The following MCUB variants were observed in gnomAD, a reference collection of about 807,000 sequenced individuals.
MCUB encodes calcium uniporter regulatory subunit MCUb, mitochondrial.
MCUB carries 46 observed loss-of-function variants against 41.4 expected under a neutral mutation model. The ratio of observed to expected loss-of-function variants is 1.11; its 90% CI spans 0.88 to 1.42. The LOEUF is 1.42. MCUB is among the 40% of genes most tolerant of loss of function. The pLI is 0.00. For synonymous variants in MCUB, 148 were observed against 148.2 expected (o/e 1.00, Z 0.01); for missense variants, 403 against 404.9 (o/e 1.00, Z 0.04).
At chr4:109,622,496 T>C (rs1310719644) in intron 1 of MCUB, among the ~76,000 whole-genome samples, 3 of 152,354 alleles carry the variant, frequency 2.0e-5, no homozygotes, top group East Asian at 1.9e-4. Flanking sequence ...AAGAAAGATA[T>C]CTGGAACTTT....
At chr4:109,591,750 G>T (rs779798253) in intron 1 of MCUB, among the ~76,000 whole-genome samples, 32 of 151,944 alleles carry the variant, frequency 2.1e-4, no homozygotes, top group Non-Finnish European at 2.4e-4. Flanking sequence ...CCAGACTGGA[G>T]TGCAGTGGCC....
chr4:109,670,371 A>G (rs1023748194), intron 4 of MCUB, among the ~76,000 whole-genome samples: 4 of 152,140 alleles, frequency 2.6e-5, no homozygotes, highest in African/African-American at 9.7e-5. Flanking sequence ...ATGAAATCCC[A>G]ATCGGTTAGG....
At chr4:109,610,678 C>G (rs1016694098) in intron 1 of MCUB, among the ~76,000 whole-genome samples, 3 of 152,132 alleles carry the variant, frequency 2.0e-5, no homozygotes, top group Admixed American at 6.5e-5. Context: ...GAAGTGCATC[C>G]TTAGGCGATT....
At chr4:109,574,410 C>T (rs556052039) in intron 1 of MCUB, among the ~76,000 whole-genome samples, 1 of 152,214 alleles carries the variant, frequency 6.6e-6, no homozygotes, top group South Asian at 2.1e-4. Flanking sequence ...TAAAATAACT[C>T]AGGCAGAAGC....
At chr4:109,567,624 A>G (rs993004178) in intron 1 of MCUB, among the ~76,000 whole-genome samples, 2 of 150,982 alleles carry the variant, frequency 1.3e-5, no homozygotes, top group African/African-American at 2.4e-5. Context: ...CATGTTGACC[A>G]AGACGGTCTC....
chr4:109,640,875 A>G (rs942259844), intron 1 of MCUB, among the ~76,000 whole-genome samples: 2 of 152,242 alleles, frequency 1.3e-5, no homozygotes, highest in Non-Finnish European at 2.9e-5. Context: ...TGGTACAAGA[A>G]GTTTAGCTTT....
At position 109,664,274 on chromosome 4, in the gene MCUB, G is replaced by A. The variant is rs1373443783; in HGVS notation, c.347-16G>A. ...CTAAAACAAAGACATGCTCATGCAT[G>A]ATGTTTTTCTTTCAGATGGCAACAT... On this transcript the variant is annotated splice_polypyrimidine_tract_variant and intron_variant, in intron 3 of 7. Coordinates refer to ENST00000394650, the MANE Select transcript of MCUB (RefSeq NM_017918.5). The A allele has an allele frequency of 8.2e-7, 1 of 1,222,086 alleles. No individual in the cohort carries two copies. The highest frequency in any genetic ancestry group is 1.2e-5 in the South Asian group (1 of 82,834). The allele number at this position is 1,222,086 out of a possible 1,614,324, so 75.7% of individuals were successfully genotyped here.
At chr4:109,611,314 T>G (rs1728002897) in intron 1 of MCUB, among the ~76,000 whole-genome samples, 1 of 152,216 alleles carries the variant, frequency 6.6e-6, no homozygotes, top group Non-Finnish European at 1.5e-5. Context: ...GACCCACTTG[T>G]AGAGATAAGA....
At chr4:109,567,725 G>A (rs1489701394) in intron 1 of MCUB, among the ~76,000 whole-genome samples, 4 of 151,012 alleles carry the variant, frequency 2.6e-5, no homozygotes, top group African/African-American at 9.7e-5. Flanking sequence ...TTGAGATGGA[G>A]TCTTGCTCTG....
In MCUB at chr4:109,687,859, T is replaced by G. The variant is rs1435365585; in HGVS notation, c.*267T>G. ...CCTTGTCAGCTTGTCCCACGTTTAT[T>G]CTCTATGTGGAGGTGAAAGGGTCTG... On this transcript the variant is annotated 3_prime_UTR_variant, in exon 8 of 8. Transcript: ENST00000394650. The G allele has an allele frequency of 4.8e-6, 2 of 416,352 alleles. No homozygotes were observed. The highest frequency in any genetic ancestry group is 8.6e-6 in the Non-Finnish European group (2 of 233,820). 25.8% of individuals were successfully genotyped at this position (416,352 alleles called of 1,614,324 possible). A position where few individuals can be genotyped will look rare whatever the true frequency, so the allele number is the denominator to read the frequency against.
chr4:109,671,067 C>T (rs1454411138), intron 4 of MCUB, among the ~76,000 whole-genome samples: 2 of 152,180 alleles, frequency 1.3e-5, no homozygotes, highest in African/African-American at 4.8e-5. Context: ...ATTTTGGCGA[C>T]AGCAATTTTC....
chr4:109,598,299 G>A (rs1474445976), intron 1 of MCUB, among the ~76,000 whole-genome samples: 2 of 152,022 alleles, frequency 1.3e-5, no homozygotes, highest in African/African-American at 4.8e-5. Flanking sequence ...CTCCAGCCGG[G>A]GCACCATTGA....
intron 1 of MCUB, among the ~76,000 whole-genome samples, chr4:109,578,551 A>G (rs531081717): frequency 4.0e-5 from 6 of 151,650 alleles, no homozygotes; most frequent in Non-Finnish European, 7.4e-5. Flanking sequence ...CAGAGATGCT[A>G]TCTATCATAG....
chr4:109,616,989 C>G (rs1204056306), intron 1 of MCUB, among the ~76,000 whole-genome samples: 3 of 152,106 alleles, frequency 2.0e-5, no homozygotes, highest in African/African-American at 7.2e-5. Flanking sequence ...GTCTGAATAT[C>G]TAATTTTATG....
intron 1 of MCUB, among the ~76,000 whole-genome samples, chr4:109,584,313 T>C (rs1727252912): frequency 6.6e-6 from 1 of 152,230 alleles, no homozygotes; most frequent in Non-Finnish European, 1.5e-5. Flanking sequence ...TATCATTTTT[T>C]ATTGCGTCTA....
At chr4:109,610,840 A>G (rs937215747) in intron 1 of MCUB, among the ~76,000 whole-genome samples, 2 of 152,158 alleles carry the variant, frequency 1.3e-5, no homozygotes, top group Admixed American at 6.6e-5. Flanking sequence ...TTGCAACACT[A>G]TGGGAAGTTT....
intron 1 of MCUB, among the ~76,000 whole-genome samples, chr4:109,635,683 AG>A (rs1728573991): frequency 6.6e-6 from 1 of 152,014 alleles, no homozygotes; most frequent in Non-Finnish European, 1.5e-5. Flanking sequence ...TCTCTCTACA[AG>A]GGAGCGTCTT....
At chr4:109,645,577 C>T (rs1235440123) in intron 1 of MCUB, among the ~76,000 whole-genome samples, 1 of 151,988 alleles carries the variant, frequency 6.6e-6, no homozygotes, top group African/African-American at 2.4e-5. Context: ...CCTTATCATC[C>T]GCAGCACCAC....
Position 109,681,922 on chromosome 4 carries a change from G to A in MCUB, c.452-660G>A, listed in dbSNP as rs542760557. Among the ~76,000 whole-genome samples, 3 of 152,366 alleles carry A rather than the reference G, an allele frequency of 2.0e-5. No individual in the cohort carries two copies. In the East Asian group the frequency reaches 5.8e-4, roughly 29 times the overall value. On this transcript the variant is annotated intron_variant, in intron 4 of 7. Coordinates refer to ENST00000394650, the MANE Select transcript of MCUB (RefSeq NM_017918.5). ...TAGAGTGAAAACAGAGCTCCCATAC[G>A]AAGGGAGGGGACCCAAAGGGGGTTG...
Sources: allele counts gnomAD v4.1 joint callset (sites outside exome capture counted in the v4.1 genomes callset), GRCh38; gene constraint gnomAD v4.1.1; transcripts MANE v1.5; gene names NCBI Gene and HGNC (gene_info 2026-07-23, HGNC 2026-07-21).